LYZL2: variants seen among roughly 807,000 people sequenced by gnomAD.
LYZL2 encodes lysozyme-like protein 2.
LYZL2 carries 13 observed loss-of-function variants against 17.1 expected under a neutral mutation model. The ratio of observed to expected loss-of-function variants is 0.76; its 90% CI spans 0.49 to 1.21. The LOEUF is 1.21. Among genes scored for constraint, LYZL2 ranks in the 50% most tolerant of loss-of-function variants. The pLI, the probability that LYZL2 is intolerant of heterozygous loss-of-function variation, is 0.00. For missense variants in LYZL2, 166 were observed against 189.2 expected (o/e 0.88, Z 0.72); for synonymous variants, 63 against 74.4 (o/e 0.85, Z 0.79).
intron 3 of LYZL2, among the ~76,000 whole-genome samples, chr10:30,617,674 C>CAAAAAAAAAAAAAAAAAAAAAAAAAAAA (rs1165550893): frequency 1.2e-4 from 6 of 50,212 alleles, no homozygotes; most frequent in Non-Finnish European, 1.5e-4. Context: ...GACTCTGTCT[C>CAAAAAAAAAAAAAAAAAAAAAAAAAAAA]AAAAAAAAAA....
At chr10:30,626,017 T>C in intron 3 of LYZL2, 88 bp downstream of exon 3, 1 of 1,535,432 alleles carries the variant, frequency 6.5e-7, no homozygotes, top group Non-Finnish European at 8.8e-7. Context: ...CTCCAAATTT[T>C]AGTTAAAGCA....
intron 3 of LYZL2, among the ~76,000 whole-genome samples, chr10:30,624,794 T>C (rs1838678298): frequency 6.6e-6 from 1 of 152,178 alleles, no homozygotes; most frequent in Non-Finnish European, 1.5e-5. Flanking sequence ...CTGACTTCAC[T>C]CTTGTACCTT....
At chr10:30,614,676 T>C (rs1037225843) in intron 3 of LYZL2, among the ~76,000 whole-genome samples, 1 of 152,158 alleles carries the variant, frequency 6.6e-6, no homozygotes, top group Non-Finnish European at 1.5e-5. Flanking sequence ...TAATGCTGGA[T>C]GTTGACAAGG....
chr10:30,613,750 C>T (rs1838484809), intron 3 of LYZL2, among the ~76,000 whole-genome samples: 1 of 152,212 alleles, frequency 6.6e-6, no homozygotes, highest in Non-Finnish European at 1.5e-5. Context: ...GAATCTCACT[C>T]TGTCACCCAG....
chr10:30,606,351 CTTTT>C, the LYZL2 span, among the ~76,000 whole-genome samples: 1 of 131,846 alleles, frequency 7.6e-6, no homozygotes, highest in Non-Finnish European at 1.6e-5. Context: ...ATAATAATTA[CTTTT>C]TTTTTTTTTT....
intron 3 of LYZL2, among the ~76,000 whole-genome samples, chr10:30,625,756 C>A (rs1384554713): frequency 1.3e-5 from 2 of 152,142 alleles, no homozygotes; most frequent in East Asian, 1.9e-4. Context: ...AAACTGCATC[C>A]TTTGAGTGAA....
chr10:30,620,068 A>G (rs1008181059), intron 3 of LYZL2, among the ~76,000 whole-genome samples: 1 of 152,224 alleles, frequency 6.6e-6, no homozygotes, highest in Non-Finnish European at 1.5e-5. Context: ...ATCATCTTCT[A>G]CAAGGAGAAT....
At position 30,628,170 on chromosome 10, in the gene LYZL2, A is replaced by AG. The variant is rs1838750209; in HGVS notation, c.-25-1231dup. 2.6e-5 allele frequency among the ~76,000 whole-genome samples: 4 copies of AG among 152,194 alleles called. No individual in the cohort carries two copies. In the South Asian group the frequency reaches 8.3e-4, roughly 32 times the overall value. On this transcript the variant is annotated intron_variant, in intron 1 of 4. Transcript: ENST00000647634. Reference sequence around the variant, plus strand: ...GCGAGACTCCGCCTCAAAAAAAAAAAGATTCATCGTTTGGGGGTTTATTGA... The same window carrying AG: ...GCGAGACTCCGCCTCAAAAAAAAAAAGGATTCATCGTTTGGGGGTTTATTGA...
chr10:30,606,550 G>T, the LYZL2 span, among the ~76,000 whole-genome samples: 1 of 152,010 alleles, frequency 6.6e-6, no homozygotes, highest in Admixed American at 6.6e-5. Context: ...TAAAAGCCTG[G>T]TTTGTGCCAT....
chr10:30,606,831 A>G (rs1439182678), downstream of LYZL2, among the ~76,000 whole-genome samples: 1 of 151,948 alleles, frequency 6.6e-6, no homozygotes, highest in East Asian at 1.9e-4. Context: ...TCAGTACAGT[A>G]CCAACTTGAA....
the LYZL2 span, among the ~76,000 whole-genome samples, chr10:30,606,224 C>G: frequency 2.0e-5 from 3 of 151,964 alleles, no homozygotes. Context: ...TGCCCTCTTG[C>G]TTTTTGAACA....
At chr10:30,608,504 G>A (rs893704120), downstream of LYZL2, among the ~76,000 whole-genome samples, 1 of 152,272 alleles carries the variant, frequency 6.6e-6, no homozygotes, top group African/African-American at 2.4e-5. Flanking sequence ...TATATGGAAC[G>A]CAGGTGAAGG....
chr10:30,616,756 C>T (rs1012934048), intron 3 of LYZL2, among the ~76,000 whole-genome samples: 22 of 152,250 alleles, frequency 1.4e-4, no homozygotes, highest in African/African-American at 4.6e-4. Flanking sequence ...GCCTGTATTC[C>T]GATAGAGGGC....
chr10:30,612,420 TTGC>T (rs1048322472), intron 4 of LYZL2, among the ~76,000 whole-genome samples: 71 of 152,306 alleles, frequency 4.7e-4, no homozygotes, highest in African/African-American at 1.6e-3. Flanking sequence ...CACTTTCCTC[TTGC>T]TGCTGCTCAT....
chr10:30,620,128 C>A (rs949831714), intron 3 of LYZL2, among the ~76,000 whole-genome samples: 2 of 152,248 alleles, frequency 1.3e-5, no homozygotes, highest in Admixed American at 1.3e-4. Flanking sequence ...TAAACTGCAG[C>A]GTGAGGCCAC....
intron 3 of LYZL2, among the ~76,000 whole-genome samples, chr10:30,623,418 C>T (rs1838655476): frequency 6.6e-6 from 1 of 152,176 alleles, no homozygotes; most frequent in Non-Finnish European, 1.5e-5. Context: ...CCCTGAACCA[C>T]AGACCTATGT....
At chr10:30,610,988 T>C (rs1465237731), downstream of LYZL2, among the ~76,000 whole-genome samples, 1 of 152,110 alleles carries the variant, frequency 6.6e-6, no homozygotes, top group Non-Finnish European at 1.5e-5. Flanking sequence ...TCTGGGGTAC[T>C]CTTAAGGGGG....
chr10:30,612,537 T>G (rs1838461144), intron 4 of LYZL2, among the ~76,000 whole-genome samples: 1 of 152,222 alleles, frequency 6.6e-6, no homozygotes, highest in East Asian at 1.9e-4. Flanking sequence ...AATTGACCCT[T>G]TCCAAGTCAC....
chr10:30,629,744 A>G lies in LYZL2; in HGVS notation c.-177T>C, dbSNP rs1455739779. The G allele has an allele frequency of 6.4e-7, 1 of 1,572,580 alleles. No individual in the cohort carries two copies. Among genetic ancestry groups the G allele is most frequent in the East Asian group, 2.3e-5 (1 of 44,250 alleles). On this transcript the variant is annotated 5_prime_UTR_variant, in exon 1 of 5. Coordinates refer to ENST00000647634, the MANE Select transcript of LYZL2 (RefSeq NM_183058.3). ...GTCTGATTCTAACAAGGCTCGAGTA[A>G]TCCTTTCCTAGCTCAAGAACCTTTC... is the stretch of plus-strand genomic sequence containing the variant.
Sources: allele counts gnomAD v4.1 joint callset (sites outside exome capture counted in the v4.1 genomes callset), GRCh38; gene constraint gnomAD v4.1.1; transcripts MANE v1.5; gene names NCBI Gene and HGNC (gene_info 2026-07-23, HGNC 2026-07-21).